ELFN2: variants seen among roughly 807,000 people sequenced by gnomAD.
ELFN2 encodes extracellular leucine rich repeat and fibronectin type III domain containing 2.
A neutral mutation model predicts 45.5 loss-of-function variants in ELFN2; 17 were observed. The observed-to-expected ratio is 0.37, with a 90% CI of 0.26 to 0.56. The LOEUF (loss-of-function observed/expected upper bound fraction) is 0.56, where lower values mean the gene tolerates loss of function less well. ELFN2 is among the 20% of genes least tolerant of loss of function. ELFN2 has a pLI of 0.77. For missense variants in ELFN2, 922 were observed against 1,183.2 expected (o/e 0.78, Z 3.24); for synonymous variants, 550 against 551.5 (o/e 1.00, Z 0.04).
At chr22:37,392,841 T>C (rs1039040924) in intron 2 of ELFN2, among the ~76,000 whole-genome samples, 3 of 152,202 alleles carry the variant, frequency 2.0e-5, no homozygotes, top group African/African-American at 4.8e-5. Flanking sequence ...CCCAGATGTA[T>C]GTAATATTCA....
At chr22:37,412,135 A>G (rs954774831) in intron 2 of ELFN2, among the ~76,000 whole-genome samples, 3 of 152,060 alleles carry the variant, frequency 2.0e-5, no homozygotes, top group African/African-American at 7.2e-5. Flanking sequence ...ACTTGAGGTC[A>G]GGAGTTCGAG....
intron 2 of ELFN2, among the ~76,000 whole-genome samples, chr22:37,409,235 C>G (rs1932585937): frequency 2.0e-5 from 3 of 152,208 alleles, no homozygotes; most frequent in Admixed American, 2.0e-4. Context: ...CCACCCCCAG[C>G]TCCGGAAGGC....
At chr22:37,399,051 C>G (rs1932291414) in intron 2 of ELFN2, among the ~76,000 whole-genome samples, 1 of 152,118 alleles carries the variant, frequency 6.6e-6, no homozygotes, top group Non-Finnish European at 1.5e-5. Context: ...CCGGAGGGAG[C>G]TCAGGGGCCT....
At chr22:37,341,952 G>T (rs933283396) in intron 2 of ELFN2, among the ~76,000 whole-genome samples, 1 of 152,150 alleles carries the variant, frequency 6.6e-6, no homozygotes, top group African/African-American at 2.4e-5. Flanking sequence ...ACAGACCTGG[G>T]TTCCAAGCCT....
rs188602463 is a variant in ELFN2 at position 37,349,381 on chromosome 22, A to T, written n.149-6678T>A. 9.9e-5 allele frequency among the ~76,000 whole-genome samples: 15 copies of T among 151,216 alleles called. No homozygotes were observed. The East Asian group carries it at 2.9e-3, about 29-fold the overall frequency. On this transcript the variant is annotated intron_variant and non_coding_transcript_variant, in intron 1 of 2. Transcript: ENST00000452946. ...GGGATCCACGGTGCCCCCGGCCCAG[A>T]TTCCCTGCACCTGCCCCAGTTTGGG...
chr22:37,363,943 GCAGA>G (rs2145624055), downstream of ELFN2, among the ~76,000 whole-genome samples: 1 of 152,340 alleles, frequency 6.6e-6, no homozygotes, highest in East Asian at 1.9e-4. Context: ...CTCCTTCCTT[GCAGA>G]CAAAGGGCCT....
At chr22:37,346,170 G>A (rs1930691555) in intron 1 of ELFN2, among the ~76,000 whole-genome samples, 1 of 152,236 alleles carries the variant, frequency 6.6e-6, no homozygotes, top group African/African-American at 2.4e-5. Flanking sequence ...AAACTTGGCG[G>A]CCACATCACG....
chr22:37,386,346 T>C (rs993042163), intron 2 of ELFN2, among the ~76,000 whole-genome samples: 1 of 152,106 alleles, frequency 6.6e-6, no homozygotes, highest in African/African-American at 2.4e-5. Flanking sequence ...CACCTAGGAC[T>C]GGGACACCTG....
chr22:37,412,535 C>A (rs1932674728), intron 2 of ELFN2, among the ~76,000 whole-genome samples: 1 of 152,158 alleles, frequency 6.6e-6, no homozygotes, highest in African/African-American at 2.4e-5. Flanking sequence ...CCAGGCCACG[C>A]CTCAGCCCCT....
intron 1 of ELFN2, among the ~76,000 whole-genome samples, chr22:37,350,050 G>A (rs1930787308): frequency 1.3e-5 from 2 of 150,970 alleles, no homozygotes; most frequent in Admixed American, 6.6e-5. Context: ...CGGGGTGTGA[G>A]GCTGCCTGGG....
At chr22:37,396,579 G>A (rs1027759165) in intron 2 of ELFN2, among the ~76,000 whole-genome samples, 3 of 152,198 alleles carry the variant, frequency 2.0e-5, no homozygotes, top group Admixed American at 6.5e-5. Flanking sequence ...TGCAGCAGGT[G>A]AGGAAACTGA....
intron 1 of ELFN2, among the ~76,000 whole-genome samples, chr22:37,347,924 A>G (rs1434214035): frequency 1.3e-5 from 2 of 152,216 alleles, no homozygotes; most frequent in South Asian, 4.1e-4. Flanking sequence ...CTGTACTTGC[A>G]CACCTCCAGG....
rs1426715991 is a variant in ELFN2 at position 37,411,629 on chromosome 22, C to T, written c.-463+6140G>A. On this transcript the variant is annotated intron_variant, in intron 2 of 2. Coordinates refer to ENST00000402918, the MANE Select transcript of ELFN2 (RefSeq NM_052906.5). ...CCTTCATCTCTGCCTCCCAGCTTGG[C>T]ACAGAGGGCACCCTACCTCCTATGC... Among the ~76,000 whole-genome samples, 5 of 152,130 alleles carry T rather than the reference C, an allele frequency of 3.3e-5. No individual in the cohort carries two copies. The East Asian group carries it at 7.7e-4, about 23-fold the overall frequency.
At chr22:37,411,164 G>A (rs1187328339) in intron 2 of ELFN2, among the ~76,000 whole-genome samples, 2 of 152,192 alleles carry the variant, frequency 1.3e-5, no homozygotes, top group Non-Finnish European at 2.9e-5. Flanking sequence ...GGGGCAACTT[G>A]TCATGGGTAG....
chr22:37,358,043 T>C (rs1375833963), intron 1 of ELFN2, among the ~76,000 whole-genome samples: 1 of 152,260 alleles, frequency 6.6e-6, no homozygotes, highest in East Asian at 1.9e-4. Context: ...ATTGCTATCA[T>C]TCTCAGCAGG....
At chr22:37,398,599 G>T (rs919478190) in intron 2 of ELFN2, among the ~76,000 whole-genome samples, 5 of 151,838 alleles carry the variant, frequency 3.3e-5, no homozygotes, top group Non-Finnish European at 7.4e-5. Flanking sequence ...CACTCACATC[G>T]CCGCCCTGCT....
chr22:37,344,236 G>GCACACCTGCCCACA (rs1555916859), intron 1 of ELFN2, among the ~76,000 whole-genome samples: 5 of 116,156 alleles, frequency 4.3e-5, no homozygotes, highest in African/African-American at 1.8e-4. Flanking sequence ...ACCTGCCCAT[G>GCACACCTGCCCACA]CCCACCTGCC....
At chr22:37,404,548 CT>C (rs1490548225) in intron 2 of ELFN2, among the ~76,000 whole-genome samples, 3 of 152,060 alleles carry the variant, frequency 2.0e-5, no homozygotes, top group African/African-American at 7.2e-5. Context: ...GCCAGTTGAG[CT>C]TTAGGGGTCA....
At position 37,403,392 on chromosome 22, in the gene ELFN2, G is replaced by A. The variant is rs547319553; in HGVS notation, c.-463+14377C>T. Among the ~76,000 whole-genome samples the A allele has an allele frequency of 8.2e-5, 12 of 146,970 alleles. No homozygotes were observed. The South Asian group carries it at 1.5e-3, about 18-fold the overall frequency. On this transcript the variant is annotated intron_variant, in intron 2 of 2. Transcript: ENST00000402918. ...GGGCAGGGCCAGGCTCCTAAGGGGC[G>A]GGGCCATGCAAGGCGAGCGAGGGGC...
Sources: gnomAD v4.1 joint callset for allele counts (sites outside exome capture counted in the v4.1 genomes callset) on GRCh38, gnomAD v4.1.1 for gene constraint, MANE v1.5 for transcripts, NCBI Gene and HGNC (gene_info 2026-07-23, HGNC 2026-07-21) for gene names.